The following NCOA7 variants were observed in gnomAD, a reference collection of about 807,000 sequenced individuals.
The protein encoded by NCOA7 is nuclear receptor coactivator 7, also known as 140 kDa estrogen receptor-associated protein.
A neutral mutation model predicts 104.3 loss-of-function variants in NCOA7; 45 were observed. That is an observed-to-expected ratio of 0.43 (90% CI 0.34 to 0.55). The LOEUF (loss-of-function observed/expected upper bound fraction) is 0.55. NCOA7 is among the 20% of genes least tolerant of loss of function. The pLI is 0.02. For missense variants in NCOA7, 1,041 were observed against 1,119.7 expected (o/e 0.93, Z 1.00); for synonymous variants, 398 against 402.3 (o/e 0.99, Z 0.13).
chr6:125,890,711 C>T lies in NCOA7; in HGVS notation c.1997C>T (p.Pro666Leu). 3 of 1,613,714 alleles carry T rather than the reference C, an allele frequency of 1.9e-6. No individual in the cohort carries two copies. The highest frequency in any genetic ancestry group is 2.5e-6 in the Non-Finnish European group (3 of 1,179,872). Residue 666 changes from proline (P) to leucine (L), a missense_variant, in exon 10 of 16, where the codon CCA (proline) becomes CTA (leucine). This residue lies in a region of NCOA7 where 914 missense variants were observed against 942.7 expected (regional missense o/e 0.97). Transcript: ENST00000392477. ...TTCCTGTGCATCAAAGTGGGAAAAC[C>T]AATGAGAAAATCCTTTGCCACTCAC... ...PMFLCIKVGK[P>L]MRKSFATHTA... is the part of the protein sequence containing the mutation.
chr6:125,926,555 T>C (rs1220480422), intron 13 of NCOA7, among the ~76,000 whole-genome samples: 2 of 152,164 alleles, frequency 1.3e-5, no homozygotes, highest in African/African-American at 4.8e-5. Context: ...AAGGATTTTT[T>C]ATGTTTTGTT....
At chr6:125,921,276 G>A (rs1275890432) in intron 12 of NCOA7, among the ~76,000 whole-genome samples, 1 of 152,178 alleles carries the variant, frequency 6.6e-6, no homozygotes, top group African/African-American at 2.4e-5. Flanking sequence ...CGGGCGTGAT[G>A]GCACATGCCT....
intron 10 of NCOA7, among the ~76,000 whole-genome samples, chr6:125,912,082 T>C (rs573203425): frequency 2.0e-5 from 3 of 152,310 alleles, no homozygotes; most frequent in East Asian, 1.9e-4. Context: ...ACAGAAGGCA[T>C]AGAGAAAGCA....
chr6:125,876,154 C>T (rs1453628292), intron 4 of NCOA7, among the ~76,000 whole-genome samples: 1 of 152,132 alleles, frequency 6.6e-6, no homozygotes, highest in South Asian at 2.1e-4. Context: ...CAATGCCAGA[C>T]CCTATATAAG....
intron 2 of NCOA7, among the ~76,000 whole-genome samples, chr6:125,846,500 G>T (rs1780631439): frequency 6.6e-6 from 1 of 152,026 alleles, no homozygotes; most frequent in Admixed American, 6.6e-5. Context: ...GTCCCAGGGG[G>T]TTTATCATAT....
chr6:125,898,252 C>G (rs1744895949), intron 10 of NCOA7, among the ~76,000 whole-genome samples: 2 of 152,174 alleles, frequency 1.3e-5, no homozygotes, highest in African/African-American at 4.8e-5. Context: ...ACTATGGGTG[C>G]TAAGCTTCAT....
chr6:125,861,541 A>G (rs1024429816), intron 3 of NCOA7, among the ~76,000 whole-genome samples: 1 of 152,228 alleles, frequency 6.6e-6, no homozygotes, highest in African/African-American at 2.4e-5. Flanking sequence ...GATGCCAAGA[A>G]TCCAATTAAT....
chr6:125,918,401 A>G (rs565958538), intron 11 of NCOA7, among the ~76,000 whole-genome samples: 87 of 152,286 alleles, frequency 5.7e-4, no homozygotes, highest in Non-Finnish European at 9.9e-4. Context: ...TGTTGCATTG[A>G]GAGTCAGTTC....
chr6:125,919,518 A>G, intron 11 of NCOA7: 2 of 1,293,534 alleles, frequency 1.5e-6, no homozygotes, highest in Non-Finnish European at 1.1e-6. Context: ...AGTCGTTCTA[A>G]TTAGAAAGGA....
intron 3 of NCOA7, among the ~76,000 whole-genome samples, chr6:125,860,099 G>A (rs921449275): frequency 6.6e-6 from 1 of 152,112 alleles, no homozygotes. Flanking sequence ...CAGAATGAGT[G>A]AACTGAGCCC....
chr6:125,890,053 C>A (rs1420390577), intron 9 of NCOA7, 72 bp downstream of exon 9: 21 of 1,106,776 alleles, frequency 1.9e-5, no homozygotes, highest in Non-Finnish European at 2.4e-5. Context: ...ACATGTAATA[C>A]CCACATTAGT....
At chr6:125,872,153 A>T (rs1469857749) in intron 3 of NCOA7, among the ~76,000 whole-genome samples, 1 of 152,046 alleles carries the variant, frequency 6.6e-6, no homozygotes, top group African/African-American at 2.4e-5. Context: ...TACATGCTTG[A>T]CATTTTTCTA....
intron 1 of NCOA7, among the ~76,000 whole-genome samples, chr6:125,813,449 A>G (rs1233568020): frequency 7.4e-6 from 1 of 135,704 alleles, no homozygotes; most frequent in Non-Finnish European, 1.6e-5. Flanking sequence ...GGGAAATGCA[A>G]TTTTTTTTTT....
At chr6:125,818,225 C>G (rs926564035) in intron 2 of NCOA7, among the ~76,000 whole-genome samples, 1 of 152,094 alleles carries the variant, frequency 6.6e-6, no homozygotes, top group Non-Finnish European at 1.5e-5. Context: ...AGGTAACTGC[C>G]GGTTCATGAA....
At position 125,859,787 on chromosome 6, in the gene NCOA7, T is replaced by C. The variant is rs141949942; in HGVS notation, c.271+4547T>C. Among the ~76,000 whole-genome samples the C allele has an allele frequency of 1.1e-3, 165 of 152,318 alleles. 1 individual carries two copies. Among genetic ancestry groups the C allele is most frequent in the African/African-American group, 3.8e-3 (159 of 41,578 alleles). Reference sequence around the variant, plus strand: ...GAAGTGTATTTCGATAAAATAATGTTTTTACTTGTGAAATTACTTTTATCT... The same window carrying C: ...GAAGTGTATTTCGATAAAATAATGTCTTTACTTGTGAAATTACTTTTATCT... On this transcript the variant is annotated intron_variant, in intron 3 of 15. Coordinates refer to ENST00000392477, the MANE Select transcript of NCOA7 (RefSeq NM_181782.5).
Position 125,931,487 on chromosome 6 carries a change from T to TC in NCOA7, c.*2716_*2717insC. On this transcript the variant is annotated 3_prime_UTR_variant, in exon 16 of 16. Transcript: ENST00000392477. ...ATCCTGACACCTAGCCCCTAGATGT[T>TC]GGGCTAGATGAAGACCCCAAGCAGT... 1 of 152,086 alleles carries TC rather than the reference T, an allele frequency of 6.6e-6. No individual in the cohort carries two copies. The highest frequency in any genetic ancestry group is 6.5e-5 in the Admixed American group (1 of 15,274). The allele number at this position is 152,086 out of a possible 1,614,324, so 9.4% of individuals were successfully genotyped here. A position where few individuals can be genotyped will look rare whatever the true frequency, so the allele number is the denominator to read the frequency against.
At chr6:125,892,120 A>G (rs1784662361) in intron 10 of NCOA7, among the ~76,000 whole-genome samples, 1 of 152,334 alleles carries the variant, frequency 6.6e-6, no homozygotes, top group African/African-American at 2.4e-5. Context: ...TGAAACTTTC[A>G]GTTACATTGT....
At chr6:125,869,317 C>T (rs374294217) in intron 3 of NCOA7, among the ~76,000 whole-genome samples, 1 of 152,142 alleles carries the variant, frequency 6.6e-6, no homozygotes, top group African/African-American at 2.4e-5. Flanking sequence ...GACACCCTCC[C>T]CAGTCTTCCC....
At position 125,855,008 on chromosome 6, in the gene NCOA7, C is replaced by A; in HGVS notation, c.51-12C>A. 5 of 1,557,888 alleles carry A rather than the reference C, an allele frequency of 3.2e-6. No homozygotes were observed. The South Asian group carries it at 5.9e-5, about 19-fold the overall frequency. On this transcript the variant is annotated splice_polypyrimidine_tract_variant and intron_variant, in intron 2 of 15. Transcript: ENST00000392477. ...TCTCCAATGTTTTTTCTTTTTTTTC[C>A]CTCTTTCCTAGACTGAAAAAGAAAA...
Sources: gnomAD v4.1 joint callset for allele counts (sites outside exome capture counted in the v4.1 genomes callset) on GRCh38, gnomAD v4.1.1 for gene constraint, gnomAD v4.1.1 regional missense constraint, MANE v1.5 for transcripts, NCBI Gene and HGNC (gene_info 2026-07-23, HGNC 2026-07-21) for gene names.